The following MBD5 variants were observed in gnomAD, a reference collection of about 807,000 sequenced individuals.
MBD5 encodes methyl-CpG-binding domain protein 5.
Under a neutral mutation model 117.3 loss-of-function variants are expected in MBD5, and 13 were observed. The observed-to-expected ratio is 0.11, with a 90% CI of 0.07 to 0.18. The LOEUF is 0.18. MBD5 is among the 10% of genes least tolerant of loss of function. The pLI, the probability that MBD5 is intolerant of heterozygous loss-of-function variation, is 1.00. For synonymous variants in MBD5, 727 were observed against 766.4 expected (o/e 0.95, Z 0.85); for missense variants, 1,879 against 2,093.8 (o/e 0.90, Z 2.00).
Position 148,296,864 on chromosome 2 carries a change from A to ATTTTTTTTTTTTTTTTTTTTTT in MBD5, c.-679-45330_-679-45329insTTTTTTTTTTTTTTTTTTTTTT, listed in dbSNP as rs757371602. The stretch of plus-strand genomic sequence containing the variant: ...AAGCATAGTTTGCTTTAGTTCTTCA[A>ATTTTTTTTTTTTTTTTTTTTTT]TTTTTTTTTTTTTTTTTTTTGGAGA... On this transcript the variant is annotated intron_variant, in intron 3 of 13. Transcript: ENST00000642680. Among the ~76,000 whole-genome samples the ATTTTTTTTTTTTTTTTTTTTTT allele has an allele frequency of 1.4e-3, 86 of 61,328 alleles. 18 individuals carry two copies. The highest frequency in any genetic ancestry group is 2.8e-3 in the African/African-American group (50 of 17,836). 40.2% of individuals were successfully genotyped at this position (61,328 alleles called of 152,430 possible).
intron 3 of MBD5, among the ~76,000 whole-genome samples, chr2:148,334,723 T>A (rs1702742805): frequency 6.6e-6 from 1 of 152,198 alleles, no homozygotes; most frequent in Non-Finnish European, 1.5e-5. Context: ...ATGTTCAATC[T>A]ACCATCTTTA....
intron 1 of MBD5, among the ~76,000 whole-genome samples, chr2:148,043,379 G>T (rs1479437299): frequency 6.6e-6 from 1 of 151,876 alleles, no homozygotes; most frequent in East Asian, 1.9e-4. Flanking sequence ...CCTGAACCCA[G>T]GAGGCGGAGG....
At chr2:148,096,868 T>C (rs2105269357) in intron 1 of MBD5, among the ~76,000 whole-genome samples, 1 of 152,194 alleles carries the variant, frequency 6.6e-6, no homozygotes, top group South Asian at 2.1e-4. Flanking sequence ...ATTATAGAGA[T>C]ATAACAAAAT....
intron 2 of MBD5, among the ~76,000 whole-genome samples, chr2:148,221,667 G>T (rs1179218539): frequency 6.6e-6 from 1 of 151,960 alleles, no homozygotes; most frequent in Non-Finnish European, 1.5e-5. Context: ...TTAACCCCTA[G>T]TCTGATGGGT....
intron 1 of MBD5, among the ~76,000 whole-genome samples, chr2:148,074,353 A>G (rs1695436018): frequency 6.6e-6 from 1 of 152,184 alleles, no homozygotes; most frequent in African/African-American, 2.4e-5. Context: ...TGGACTTCCA[A>G]TAAATATTGA....
chr2:148,073,687 A>G (rs912132615), intron 1 of MBD5, among the ~76,000 whole-genome samples: 1 of 152,212 alleles, frequency 6.6e-6, no homozygotes, highest in Non-Finnish European at 1.5e-5. Flanking sequence ...CATTGTATCT[A>G]CACAACAACC....
chr2:148,403,887 C>G (rs1704999939), intron 4 of MBD5, among the ~76,000 whole-genome samples: 1 of 152,102 alleles, frequency 6.6e-6, no homozygotes, highest in Non-Finnish European at 1.5e-5. Context: ...TGTCCCCACC[C>G]TCACCCCCAT....
chr2:148,385,309 A>G (rs1347492410), intron 4 of MBD5, among the ~76,000 whole-genome samples: 9 of 152,272 alleles, frequency 5.9e-5, no homozygotes, highest in African/African-American at 2.2e-4. Flanking sequence ...GGATATGAAC[A>G]GACATTTCTC....
chr2:148,163,180 G>A (rs1465635615), intron 1 of MBD5, among the ~76,000 whole-genome samples: 1 of 152,094 alleles, frequency 6.6e-6, no homozygotes, highest in African/African-American at 2.4e-5. Context: ...AAATGTTTTG[G>A]TTTTTAAAAA....
At chr2:148,074,001 T>C (rs1470952263) in intron 1 of MBD5, among the ~76,000 whole-genome samples, 2 of 152,214 alleles carry the variant, frequency 1.3e-5, no homozygotes, top group Non-Finnish European at 2.9e-5. Context: ...GATAATCTTT[T>C]TTTTTTCTTT....
intron 1 of MBD5, among the ~76,000 whole-genome samples, chr2:148,140,606 A>G (rs1162859359): frequency 6.6e-6 from 1 of 152,204 alleles, no homozygotes; most frequent in East Asian, 1.9e-4. Flanking sequence ...TCTGAATAAG[A>G]GCTATCTAAA....
chr2:148,132,368 A>T (rs1260072054), intron 1 of MBD5, among the ~76,000 whole-genome samples: 3 of 148,726 alleles, frequency 2.0e-5, no homozygotes, highest in African/African-American at 7.3e-5. Flanking sequence ...ATATATATAT[A>T]GATGATTCAT....
intron 8 of MBD5, among the ~76,000 whole-genome samples, chr2:148,479,942 A>G (rs1681097767): frequency 6.6e-6 from 1 of 152,032 alleles, no homozygotes. Context: ...CTAGTTCATA[A>G]TAAACTCTGA....
intron 3 of MBD5, among the ~76,000 whole-genome samples, chr2:148,316,875 G>C (rs1252486657): frequency 6.6e-6 from 1 of 152,130 alleles, no homozygotes; most frequent in African/African-American, 2.4e-5. Context: ...TAGTCTTTCA[G>C]ACCAGGTCAG....
chr2:148,280,223 G>A (rs1701217767), intron 3 of MBD5, among the ~76,000 whole-genome samples: 1 of 148,916 alleles, frequency 6.7e-6, no homozygotes, highest in Non-Finnish European at 1.5e-5. Context: ...TTTTCTCACA[G>A]AGTCTAAAAT....
intron 4 of MBD5, among the ~76,000 whole-genome samples, chr2:148,348,726 G>T (rs1340643976): frequency 6.6e-6 from 1 of 151,900 alleles, no homozygotes; most frequent in Non-Finnish European, 1.5e-5. Context: ...TTCCAACATT[G>T]TGAGAAATAT....
At chr2:148,237,851 A>G (rs529342761) in intron 3 of MBD5, among the ~76,000 whole-genome samples, 1 of 152,324 alleles carries the variant, frequency 6.6e-6, no homozygotes, top group Non-Finnish European at 1.5e-5. Context: ...AGGCTGATTT[A>G]TTAACCACAA....
At chr2:148,342,095 C>CTG (rs1053352834) in intron 3 of MBD5, 119 bp from the exon 4 acceptor site, 2 of 152,022 alleles carry the variant, frequency 1.3e-5, no homozygotes, top group Non-Finnish European at 2.9e-5. Flanking sequence ...TTGATTCTCT[C>CTG]TAGTTCTTTG....
At position 148,459,092 on chromosome 2, in the gene MBD5, A is replaced by G. The variant is rs10928397; in HGVS notation, c.113+221A>G. ...CTGCTTATCTCTGTAACAAGAATAA[A>G]GAAAAATAAGAAGATTTCTAAAAGA... is the stretch of plus-strand genomic sequence containing the variant. On this transcript the variant is annotated intron_variant, in intron 5 of 13. Transcript: ENST00000642680. 0.21 allele frequency among the ~76,000 whole-genome samples: 31,796 copies of G among 152,092 alleles called. 4,297 individuals are homozygous for G. The highest frequency in any genetic ancestry group is 0.5 in the East Asian group (2,601 of 5,170).
Sources: gnomAD v4.1 joint callset for allele counts (sites outside exome capture counted in the v4.1 genomes callset) on GRCh38, gnomAD v4.1.1 for gene constraint, MANE v1.5 for transcripts, NCBI Gene and HGNC (gene_info 2026-07-23, HGNC 2026-07-21) for gene names.